Variants in CFHR3 observed in about 807,000 individuals in gnomAD.
CFHR3 encodes the protein complement factor H-related protein 3.
A neutral mutation model predicts 36.0 loss-of-function variants in CFHR3; 22 were observed. That is an observed-to-expected ratio of 0.61 (90% confidence interval 0.44 to 0.87). The LOEUF (loss-of-function observed/expected upper bound fraction) is 0.87, where lower values mean the gene tolerates loss of function less well. Ranked by LOEUF, CFHR3 falls within the 40% of genes least tolerant of loss-of-function variation. The probability of loss-of-function intolerance (pLI) is 0.00; values close to 1 mark genes in which losing one functional copy is unlikely to be tolerated. For synonymous variants in CFHR3, 97 were observed against 137.4 expected (o/e 0.71, Z 2.06); for missense variants, 276 against 401.3 (o/e 0.69, Z 2.67).
chr1:196,779,205 T>G lies in CFHR3; in HGVS notation c.102T>G (p.Phe34Leu), dbSNP rs1653846863. Reference protein sequence around the residue: ...DFPDIKHGGLFHENMRRPYFP... With the variant: ...DFPDIKHGGLLHENMRRPYFP... ...CAGACATTAAACATGGAGGTCTATT[T>G]CATGAGAATATGCGTAGACCATACT... Residue 34 changes from phenylalanine (F) to leucine (L), a missense_variant, in exon 2 of 6, where the codon TTT becomes TTG. Physicochemically the swap from Phe to Leu is conservative, Grantham distance 22. This residue lies in a region of CFHR3 where 178 missense variants were observed against 247.2 expected (regional missense o/e 0.72). Coordinates refer to ENST00000367425, the MANE Select transcript of CFHR3 (RefSeq NM_021023.6). 1.3e-6 allele frequency: 2 copies of G among 1,530,226 alleles called. No homozygotes were observed. Among genetic ancestry groups the G allele is most frequent in the Admixed American group, 3.4e-5 (2 of 58,258 alleles). The allele number at this position is 1,530,226 out of a possible 1,614,324, so 94.8% of individuals were successfully genotyped here.
chr1:196,780,067 T>C, intron 3 of CFHR3, 94 bp downstream of exon 3: 1 of 1,452,918 alleles, frequency 6.9e-7, no homozygotes. Context: ...TGTGGCAAAA[T>C]GTTTTTGTCA....
At position 196,794,624 on chromosome 1, in the gene CFHR3, TTG is replaced by T. The variant is rs762037733; in HGVS notation, c.*1113_*1114del. ...ATTAAGTTTTGCTTCAGATTTTTTT[TTG>T]TCTTTTCTCCTGTTAATTGCCTTCA... is the stretch of plus-strand genomic sequence containing the variant. On this transcript the variant is annotated 3_prime_UTR_variant, in exon 6 of 6. Coordinates refer to ENST00000367425, the MANE Select transcript of CFHR3 (RefSeq NM_021023.6). 3 of 393,850 alleles carry T rather than the reference TTG, an allele frequency of 7.6e-6. No individual in the cohort carries two copies. Among genetic ancestry groups the T allele is most frequent in the South Asian group, 6.3e-5 (3 of 47,694 alleles). The allele number at this position is 393,850 out of a possible 1,614,324, so 24.4% of individuals were successfully genotyped here.
At chr1:196,782,264 T>A (rs1172327512) in intron 3 of CFHR3, among the ~76,000 whole-genome samples, 2 of 137,300 alleles carry the variant, frequency 1.5e-5, no homozygotes, top group Non-Finnish European at 3.1e-5. Flanking sequence ...TCTTTTGGCT[T>A]AGGATTGACT....
intron 3 of CFHR3, among the ~76,000 whole-genome samples, chr1:196,784,228 T>C (rs1178661813): frequency 7.3e-6 from 1 of 136,444 alleles, no homozygotes; most frequent in Admixed American, 7.1e-5. Flanking sequence ...TCCAACTATG[T>C]GGTCAATTTT....
At chr1:196,791,090 A>C (rs1654413625) in intron 5 of CFHR3, among the ~76,000 whole-genome samples, 1 of 137,118 alleles carries the variant, frequency 7.3e-6, no homozygotes. Flanking sequence ...TTCTCTGATT[A>C]TTATTCTTAC....
intron 1 of CFHR3, among the ~76,000 whole-genome samples, chr1:196,777,585 A>G (rs1653774583): frequency 7.3e-6 from 1 of 137,098 alleles, no homozygotes; most frequent in Non-Finnish European, 1.5e-5. Context: ...CCAAGTTCCA[A>G]TAATTTCCCT....
chr1:196,788,949 G>T, intron 4 of CFHR3: 1 of 1,362,054 alleles, frequency 7.3e-7, no homozygotes, highest in Non-Finnish European at 9.5e-7. Flanking sequence ...AAAAGGGTAA[G>T]TGGGTGGGCT....
rs758859916 is a variant in CFHR3, at chr1:196,788,197, T to G, written c.431-19T>G. The G allele has an allele frequency of 6.9e-7, 1 of 1,454,088 alleles. No homozygotes were observed. The highest frequency in any genetic ancestry group is 9.2e-7 in the Non-Finnish European group (1 of 1,084,922). 90.1% of individuals were successfully genotyped at this position (1,454,088 alleles called of 1,614,324 possible). A position where few individuals can be genotyped will look rare whatever the true frequency, so the allele number is the denominator to read the frequency against. On this transcript the variant is annotated intron_variant, in intron 3 of 5. Coordinates refer to ENST00000367425, the MANE Select transcript of CFHR3 (RefSeq NM_021023.6). ...TATTCAACTAATATTTACTTTTTTC[T>G]TGACTTTTTCTATTTTAGGAACATG...
intron 5 of CFHR3, among the ~76,000 whole-genome samples, chr1:196,792,029 G>T (rs1479012438): frequency 7.5e-6 from 1 of 133,146 alleles, no homozygotes; most frequent in Non-Finnish European, 1.6e-5. Context: ...TTATGGAAAA[G>T]ATTACATATA....
Position 196,789,669 on chromosome 1 carries a change from G to T in CFHR3, c.614-376G>T. On this transcript the variant is annotated intron_variant, in intron 4 of 5. Coordinates refer to ENST00000367425, the MANE Select transcript of CFHR3 (RefSeq NM_021023.6). The stretch of plus-strand genomic sequence containing the variant: ...CTCCGTGACACATTGGACTACGAAT[G>T]CTACGATGGATATGAAATCAGTTAT... The T allele has an allele frequency of 6.2e-6, 9 of 1,459,318 alleles. 1 individual carries two copies. In the South Asian group the frequency reaches 1.0e-4, roughly 16 times the overall value. The allele number at this position is 1,459,318 out of a possible 1,614,324, so 90.4% of individuals were successfully genotyped here.
rs2124840085 is a variant in CFHR3 at position 196,778,273 on chromosome 1, C to A, written c.59-889C>A. The stretch of plus-strand genomic sequence containing the variant: ...AACACTTCCCACAAAGTAAAGATGT[C>A]ACTTCTCTGAACTTAGTCTTCTCAT... On this transcript the variant is annotated intron_variant, in intron 1 of 5. Coordinates refer to ENST00000367425, the MANE Select transcript of CFHR3 (RefSeq NM_021023.6). Among the ~76,000 whole-genome samples, 2 of 136,194 alleles carry A rather than the reference C, an allele frequency of 1.5e-5. 1 individual carries two copies. The highest frequency in any genetic ancestry group is 3.1e-5 in the Non-Finnish European group (2 of 64,410). 89.3% of individuals were successfully genotyped at this position (136,194 alleles called of 152,430 possible).
chr1:196,786,521 C>T (rs1253247954), intron 3 of CFHR3, among the ~76,000 whole-genome samples: 1 of 136,210 alleles, frequency 7.3e-6, no homozygotes, highest in East Asian at 2.0e-4. Flanking sequence ...GGCCCCCCTC[C>T]CCCAGCCTCG....
chr1:196,794,731 C>A lies in CFHR3; in HGVS notation c.*1218C>A, dbSNP rs184522936. 2,343 of 292,592 alleles carry A rather than the reference C, an allele frequency of 8.0e-3. 574 individuals are homozygous for A. The highest frequency in any genetic ancestry group is 0.063 in the African/African-American group (2,151 of 34,346). The allele number at this position is 292,592 out of a possible 1,614,324, so 18.1% of individuals were successfully genotyped here. On this transcript the variant is annotated 3_prime_UTR_variant, in exon 6 of 6. Coordinates refer to ENST00000367425, the MANE Select transcript of CFHR3 (RefSeq NM_021023.6). ...TATATCCCTGTTAACAAATTGAAAT[C>A]TCTATTCACTTTAATAGATTTTTAC...
rs565388596 is a variant in CFHR3, at chr1:196,778,500, T to C, written c.59-662T>C. On this transcript the variant is annotated intron_variant, in intron 1 of 5. Coordinates refer to ENST00000367425, the MANE Select transcript of CFHR3 (RefSeq NM_021023.6). ...TTTAAATTATGGTATTGGTCAACATTCTATATGTCTACATACATATAGAAT... is the reference window on the plus strand; with the variant it reads ...TTTAAATTATGGTATTGGTCAACATCCTATATGTCTACATACATATAGAAT... Among the ~76,000 whole-genome samples, 92 of 136,800 alleles carry C rather than the reference T, an allele frequency of 6.7e-4. 22 individuals are homozygous for C. Among genetic ancestry groups the C allele is most frequent in the Non-Finnish European group, 1.1e-3 (68 of 64,570 alleles). 89.7% of individuals were successfully genotyped at this position (136,800 alleles called of 152,430 possible).
chr1:196,784,053 T>G lies in CFHR3; in HGVS notation c.430+4080T>G, dbSNP rs530530714. On this transcript the variant is annotated intron_variant, in intron 3 of 5. Coordinates refer to ENST00000367425, the MANE Select transcript of CFHR3 (RefSeq NM_021023.6). ...ACATCTTTATTTCTGCCTTCATTTC[T>G]TTATGTACCCAGTAGTCATTCAGGA... 4.4e-4 allele frequency among the ~76,000 whole-genome samples: 60 copies of G among 136,506 alleles called. 14 individuals are homozygous for G. The highest frequency in any genetic ancestry group is 6.2e-4 in the Non-Finnish European group (40 of 64,378). The allele number at this position is 136,506 out of a possible 152,430, so 89.6% of individuals were successfully genotyped here. A position where few individuals can be genotyped will look rare whatever the true frequency, so the allele number is the denominator to read the frequency against.
intron 3 of CFHR3, among the ~76,000 whole-genome samples, chr1:196,786,167 TGTCTCAGAGGAGTACCCG>T (rs1654190020): frequency 7.3e-6 from 1 of 136,130 alleles, no homozygotes; most frequent in East Asian, 2.0e-4. Context: ...CTGGAAGTTT[TGTCTCAGAGGAGTACCCG>T]GCCGTGTGAG....
In CFHR3 at chr1:196,784,701, G is replaced by A. The variant is rs1654116134; in HGVS notation, c.431-3515G>A. Among the ~76,000 whole-genome samples the A allele has an allele frequency of 1.5e-5, 2 of 135,566 alleles. 1 individual carries two copies. Among genetic ancestry groups the A allele is most frequent in the Non-Finnish European group, 3.1e-5 (2 of 64,306 alleles). The allele number at this position is 135,566 out of a possible 152,430, so 88.9% of individuals were successfully genotyped here. The stretch of plus-strand genomic sequence containing the variant: ...TTATTTTGAGCCTATGTGTGTCTCT[G>A]CACATGAGATGGGTTTCCTGAATAC... On this transcript the variant is annotated intron_variant, in intron 3 of 5. Coordinates refer to ENST00000367425, the MANE Select transcript of CFHR3 (RefSeq NM_021023.6).
intron 3 of CFHR3, among the ~76,000 whole-genome samples, chr1:196,781,975 T>G (rs1653970271): frequency 7.3e-6 from 1 of 137,550 alleles, no homozygotes; most frequent in Admixed American, 7.0e-5. Flanking sequence ...GAATTAATTT[T>G]TGTATAAGGT....
At chr1:196,778,876 A>G (rs1157492623) in intron 1 of CFHR3, among the ~76,000 whole-genome samples, 1 of 137,068 alleles carries the variant, frequency 7.3e-6, no homozygotes, top group Non-Finnish European at 1.5e-5. Context: ...ACCATACTAC[A>G]TTAGTAGAAG....
Sources: allele counts gnomAD v4.1 joint callset (sites outside exome capture counted in the v4.1 genomes callset), GRCh38; gene constraint gnomAD v4.1.1; regional missense constraint gnomAD v4.1.1; transcripts MANE v1.5; gene names NCBI Gene and HGNC (gene_info 2026-07-23, HGNC 2026-07-21).